Variants in STAG1 observed in about 807,000 individuals in gnomAD.
STAG1 encodes STAG1 cohesin complex component.
A neutral mutation model predicts 170.9 loss-of-function variants in STAG1; 26 were observed. That is an observed-to-expected ratio of 0.15 (90% CI 0.11 to 0.21). STAG1 has a LOEUF of 0.21. Ranked by LOEUF, STAG1 falls within the 10% of genes least tolerant of loss-of-function variation. The probability of loss-of-function intolerance (pLI) is 1.00; values close to 1 mark genes in which losing one functional copy is unlikely to be tolerated. For synonymous variants in STAG1, 514 were observed against 497.7 expected (o/e 1.03, Z -0.44); for missense variants, 964 against 1,509.5 (o/e 0.64, Z 5.99).
intron 9 of STAG1, among the ~76,000 whole-genome samples, chr3:136,491,605 A>C (rs1293857326): frequency 6.6e-6 from 1 of 152,214 alleles, no homozygotes; most frequent in Non-Finnish European, 1.5e-5. Context: ...TCTAGACTTA[A>C]GCAATACCAC....
intron 25 of STAG1, among the ~76,000 whole-genome samples, chr3:136,364,154 C>G (rs1936984593): frequency 6.6e-6 from 1 of 152,052 alleles, no homozygotes; most frequent in Admixed American, 6.5e-5. Context: ...ATGATCTCGG[C>G]TCACTACAAC....
intron 15 of STAG1, among the ~76,000 whole-genome samples, chr3:136,437,235 T>G (rs1247623094): frequency 3.3e-5 from 5 of 152,234 alleles, no homozygotes; most frequent in Non-Finnish European, 7.3e-5. Context: ...CCTTGCACAG[T>G]GTTCAATTCC....
At chr3:136,453,982 T>TC (rs1306746529) in intron 13 of STAG1, among the ~76,000 whole-genome samples, 4 of 152,118 alleles carry the variant, frequency 2.6e-5, no homozygotes, top group Non-Finnish European at 5.9e-5. Context: ...ATCTTGAAGC[T>TC]ATATCTATAA....
At chr3:136,528,795 T>G (rs1330342708) in intron 6 of STAG1, among the ~76,000 whole-genome samples, 1 of 151,658 alleles carries the variant, frequency 6.6e-6, no homozygotes, top group Non-Finnish European at 1.5e-5. Context: ...TCAGGCATGG[T>G]GGTATGTGCC....
chr3:136,704,340 C>A (rs891626725), intron 1 of STAG1, among the ~76,000 whole-genome samples: 4 of 151,770 alleles, frequency 2.6e-5, no homozygotes, highest in Admixed American at 2.0e-4. Context: ...CGTGAGCCAA[C>A]GAGCCCAGGC....
chr3:136,421,899 C>G (rs905030371), intron 19 of STAG1, among the ~76,000 whole-genome samples: 1 of 151,658 alleles, frequency 6.6e-6, no homozygotes. Flanking sequence ...GCCTGTAATC[C>G]CAGCACTTTG....
chr3:136,599,448 G>A (rs1411998160), intron 4 of STAG1, among the ~76,000 whole-genome samples: 1 of 152,106 alleles, frequency 6.6e-6, no homozygotes, highest in Non-Finnish European at 1.5e-5. Context: ...GGAGAGTGGT[G>A]TGAGCCCAGG....
intron 21 of STAG1, among the ~76,000 whole-genome samples, chr3:136,411,942 C>T (rs983142374): frequency 6.6e-6 from 1 of 152,048 alleles, no homozygotes; most frequent in African/African-American, 2.4e-5. Context: ...CATGGACCAC[C>T]ACGCCCGGCT....
chr3:136,537,038 G>A (rs1247912958), intron 6 of STAG1, among the ~76,000 whole-genome samples: 1 of 151,988 alleles, frequency 6.6e-6, no homozygotes, highest in Admixed American at 6.6e-5. Flanking sequence ...TTACATTTTT[G>A]CATATTACAA....
intron 4 of STAG1, among the ~76,000 whole-genome samples, chr3:136,602,576 C>A (rs536806921): frequency 6.6e-6 from 1 of 152,124 alleles, no homozygotes; most frequent in Non-Finnish European, 1.5e-5. Context: ...TGAGGCCGGG[C>A]ATGGTGACTC....
At chr3:136,518,499 A>C (rs891989253) in intron 7 of STAG1, 1 of 647,154 alleles carries the variant, frequency 1.5e-6, no homozygotes. Context: ...AAAGATGAGA[A>C]CAAAATGTCC....
intron 1 of STAG1, chr3:136,721,409 T>G (rs1933255023): frequency 6.6e-6 from 1 of 152,242 alleles, no homozygotes; most frequent in South Asian, 2.1e-4. Flanking sequence ...TCTAATACTC[T>G]TTTTACATTA....
chr3:136,442,959 T>C (rs971514829), intron 15 of STAG1, among the ~76,000 whole-genome samples: 8 of 152,104 alleles, frequency 5.3e-5, no homozygotes, highest in African/African-American at 1.9e-4. Context: ...CAGTGAGTTA[T>C]GACTGGGCCG....
Position 136,337,155 on chromosome 3 carries a change from GCA to G in STAG1, c.*1097_*1098del. 2 of 152,710 alleles carry G rather than the reference GCA, an allele frequency of 1.3e-5. No homozygotes were observed. The highest frequency in any genetic ancestry group is 4.1e-4 in the South Asian group (2 of 4,820). 9.5% of individuals were successfully genotyped at this position (152,710 alleles called of 1,614,324 possible). A position where few individuals can be genotyped will look rare whatever the true frequency, so the allele number is the denominator to read the frequency against. ...TAAGCTTAGGAACTTCACCCTCTAA[GCA>G]CAGACTTCTATGCAGCACATACTTC... On this transcript the variant is annotated 3_prime_UTR_variant, in exon 34 of 34. Coordinates refer to ENST00000383202, the MANE Select transcript of STAG1 (RefSeq NM_005862.3).
At chr3:136,656,026 A>G (rs755048456) in intron 1 of STAG1, among the ~76,000 whole-genome samples, 3 of 152,198 alleles carry the variant, frequency 2.0e-5, no homozygotes, top group Non-Finnish European at 4.4e-5. Flanking sequence ...AGCAACTCAA[A>G]CTGACAAATG....
chr3:136,688,647 C>T (rs1386250024), intron 1 of STAG1, among the ~76,000 whole-genome samples: 1 of 152,192 alleles, frequency 6.6e-6, no homozygotes, highest in African/African-American at 2.4e-5. Flanking sequence ...CTGCCTTGGC[C>T]TCCCAAAGTG....
chr3:136,450,068 AC>A (rs2088893930), intron 14 of STAG1, among the ~76,000 whole-genome samples: 1 of 151,926 alleles, frequency 6.6e-6, no homozygotes, highest in African/African-American at 2.4e-5. Flanking sequence ...CCTCTAAAAA[AC>A]CTAAGGGAGG....
chr3:136,337,632 CCA>C lies in STAG1; in HGVS notation c.*620_*621del, dbSNP rs1935743536. On this transcript the variant is annotated 3_prime_UTR_variant, in exon 34 of 34. Coordinates refer to ENST00000383202, the MANE Select transcript of STAG1 (RefSeq NM_005862.3). ...AAAATCTGGGAATTCATATCCATAT[CCA>C]CAGAGGGTGTGTGGTTTTTGGCAGA... 2 of 152,550 alleles carry C rather than the reference CCA, an allele frequency of 1.3e-5. No individual in the cohort carries two copies. The highest frequency in any genetic ancestry group is 4.8e-5 in the African/African-American group (2 of 41,426). 9.4% of individuals were successfully genotyped at this position (152,550 alleles called of 1,614,324 possible). A position where few individuals can be genotyped will look rare whatever the true frequency, so the allele number is the denominator to read the frequency against.
At chr3:136,679,834 G>A (rs1306483393) in intron 1 of STAG1, among the ~76,000 whole-genome samples, 2 of 151,540 alleles carry the variant, frequency 1.3e-5, no homozygotes, top group Admixed American at 6.6e-5. Context: ...CCTGGGAGGC[G>A]GAGGTTGCAG....
Sources: gnomAD v4.1 joint callset for allele counts (sites outside exome capture counted in the v4.1 genomes callset) on GRCh38, gnomAD v4.1.1 for gene constraint, MANE v1.5 for transcripts, NCBI Gene and HGNC (gene_info 2026-07-23, HGNC 2026-07-21) for gene names.